The following VPS13D variants were observed in gnomAD, a reference collection of about 807,000 sequenced individuals.
VPS13D encodes the protein vacuolar protein sorting 13 homolog D.
VPS13D carries 187 observed loss-of-function variants against 461.9 expected under a neutral mutation model. The ratio of observed to expected loss-of-function variants is 0.40; its 90% CI spans 0.36 to 0.46. The LOEUF (loss-of-function observed/expected upper bound fraction) is 0.46. Ranked by LOEUF, VPS13D falls within the 20% of genes least tolerant of loss-of-function variation. The pLI is 0.60. For synonymous variants in VPS13D, 1,951 were observed against 1,986.3 expected (o/e 0.98, Z 0.47); for missense variants, 4,711 against 5,364.9 (o/e 0.88, Z 3.81).
chr1:12,493,208 G>C (rs986424917), intron 67 of VPS13D, among the ~76,000 whole-genome samples: 7 of 151,008 alleles, frequency 4.6e-5, no homozygotes, highest in African/African-American at 1.7e-4. Flanking sequence ...AAAAGGACTG[G>C]CCGGGTGCGG....
At chr1:12,317,180 G>C (rs571851499) in intron 30 of VPS13D, among the ~76,000 whole-genome samples, 2 of 152,098 alleles carry the variant, frequency 1.3e-5, no homozygotes, top group African/African-American at 4.8e-5. Context: ...GATCCTAGAC[G>C]TCAAAGAAGG....
intron 21 of VPS13D, among the ~76,000 whole-genome samples, chr1:12,285,340 G>T: frequency 6.6e-6 from 1 of 150,390 alleles, no homozygotes; most frequent in Admixed American, 6.6e-5. Context: ...GCCCAGGCTG[G>T]AGTGCAGTGG....
At chr1:12,353,936 T>C (rs754756872) in intron 46 of VPS13D, 38 bp from the exon 47 acceptor site, 6 of 1,597,664 alleles carry the variant, frequency 3.8e-6, no homozygotes, top group Non-Finnish European at 3.4e-6. Flanking sequence ...AAGTTCTTCA[T>C]TAAGTCTGAT....
intron 6 of VPS13D, among the ~76,000 whole-genome samples, chr1:12,252,783 A>G (rs1436419323): frequency 6.6e-6 from 1 of 151,294 alleles, no homozygotes; most frequent in Non-Finnish European, 1.5e-5. Flanking sequence ...AAAAAAAAAA[A>G]AAAACAAGAG....
At position 12,473,226 on chromosome 1, in the gene VPS13D, G is replaced by A. The variant is rs147813926; in HGVS notation, c.12662+12830G>A. Among the ~76,000 whole-genome samples the A allele has an allele frequency of 1.5e-3, 222 of 152,314 alleles. 1 individual carries two copies. The highest frequency in any genetic ancestry group is 4.9e-3 in the African/African-American group (204 of 41,568). On this transcript the variant is annotated intron_variant, in intron 67 of 69. Transcript: ENST00000620676. The surrounding 1 kb of genome is among the most constrained non-coding windows in gnomAD (Gnocchi z 4.2). ...AGTTTTCTTATCTTGACACTCCAAG[G>A]GCAAGAGGTCTTTCTTCAAAGAGAA...
chr1:12,317,713 C>CT (rs1642927382), intron 30 of VPS13D, among the ~76,000 whole-genome samples: 1 of 151,952 alleles, frequency 6.6e-6, no homozygotes, highest in Non-Finnish European at 1.5e-5. Flanking sequence ...CCACTGCATT[C>CT]CAGTCTGGGC....
chr1:12,381,203 A>G (rs945162912), intron 57 of VPS13D, among the ~76,000 whole-genome samples: 5 of 152,254 alleles, frequency 3.3e-5, no homozygotes, highest in Non-Finnish European at 5.9e-5. Context: ...TGAAGACATT[A>G]AAACATTTTC....
chr1:12,286,633 A>G (rs975007758), intron 21 of VPS13D, among the ~76,000 whole-genome samples: 11 of 152,074 alleles, frequency 7.2e-5, no homozygotes, highest in African/African-American at 2.7e-4. Flanking sequence ...ACCCCATCAG[A>G]TTCAGTTCAG....
intron 66 of VPS13D, among the ~76,000 whole-genome samples, chr1:12,459,881 C>G (rs903126504): frequency 2.0e-5 from 3 of 151,906 alleles, no homozygotes; most frequent in African/African-American, 7.3e-5. Flanking sequence ...CTCTCCTGAT[C>G]GTCCGTAGGC....
At chr1:12,463,021 G>A (rs1170195097) in intron 67 of VPS13D, among the ~76,000 whole-genome samples, 1 of 151,712 alleles carries the variant, frequency 6.6e-6, no homozygotes, top group Non-Finnish European at 1.5e-5. Flanking sequence ...TAGCCTAATT[G>A]AAGTTTAACT....
intron 14 of VPS13D, 58 bp from the exon 15 acceptor site, chr1:12,267,787 T>C: frequency 2.7e-6 from 4 of 1,486,702 alleles, no homozygotes; most frequent in South Asian, 1.1e-5. Flanking sequence ...TGGGTTTGTT[T>C]AGTGAATTGT....
chr1:12,353,447 G>A (rs974902335), intron 46 of VPS13D, among the ~76,000 whole-genome samples: 8 of 150,332 alleles, frequency 5.3e-5, no homozygotes, highest in Non-Finnish European at 8.8e-5. Flanking sequence ...GCTGAAGAAT[G>A]GCATGAACCC....
At chr1:12,499,676 T>C (rs573964334) in intron 68 of VPS13D, 5 of 985,474 alleles carry the variant, frequency 5.1e-6, no homozygotes, top group African/African-American at 1.7e-5. Flanking sequence ...GAAAACCATG[T>C]GTCTCCACCC....
chr1:12,420,150 T>C (rs1387507272), intron 65 of VPS13D, among the ~76,000 whole-genome samples: 1 of 152,218 alleles, frequency 6.6e-6, no homozygotes, highest in African/African-American at 2.4e-5. Flanking sequence ...TGACCACTTC[T>C]TATAGGAAAT....
At chr1:12,366,315 A>G (rs532006637) in intron 52 of VPS13D, among the ~76,000 whole-genome samples, 1 of 152,240 alleles carries the variant, frequency 6.6e-6, no homozygotes, top group African/African-American at 2.4e-5. Flanking sequence ...TTGGATCTGG[A>G]TATAGTGGGT....
In VPS13D at chr1:12,512,024, A is replaced by G. The variant is rs940006536; in HGVS notation, c.*3000A>G. 9 of 152,220 alleles carry G rather than the reference A, an allele frequency of 5.9e-5. No homozygotes were observed. The highest frequency in any genetic ancestry group is 1.2e-4 in the Non-Finnish European group (8 of 68,044). 9.4% of individuals were successfully genotyped at this position (152,220 alleles called of 1,614,324 possible). A position where few individuals can be genotyped will look rare whatever the true frequency, so the allele number is the denominator to read the frequency against. On this transcript the variant is annotated 3_prime_UTR_variant, in exon 70 of 70. Transcript: ENST00000620676. ...GTCATCATTTTTCTTCCTGTGGAAT[A>G]AAATGCCTTGTGGACTTCCCAAACT...
rs1038325044 is a variant in VPS13D, at chr1:12,341,637, C to T, written c.8627-143C>T. The T allele has an allele frequency of 1.8e-5, 12 of 659,882 alleles. No homozygotes were observed. The African/African-American group carries it at 2.0e-4, about 11-fold the overall frequency. 40.9% of individuals were successfully genotyped at this position (659,882 alleles called of 1,614,324 possible). A position where few individuals can be genotyped will look rare whatever the true frequency, so the allele number is the denominator to read the frequency against. ...GCAGCCAGCAAATACGTGGAGCTTC[C>T]ATTTGTCCTGTTCCTTCTTTCTTGC... is the stretch of plus-strand genomic sequence containing the variant. On this transcript the variant is annotated intron_variant, in intron 40 of 69. Coordinates refer to ENST00000620676, the MANE Select transcript of VPS13D (RefSeq NM_015378.4).
At chr1:12,387,183 T>C (rs937701413) in intron 60 of VPS13D, among the ~76,000 whole-genome samples, 5 of 152,134 alleles carry the variant, frequency 3.3e-5, no homozygotes, top group Admixed American at 6.5e-5. Context: ...TTATGAGACG[T>C]TGGGAAGAGT....
chr1:12,384,549 A>G (rs910721021), intron 58 of VPS13D, among the ~76,000 whole-genome samples: 10 of 152,018 alleles, frequency 6.6e-5, no homozygotes, highest in Non-Finnish European at 1.2e-4. Context: ...AGAACAAAGG[A>G]AAAAAAAGAT....
Sources: gnomAD v4.1 joint callset for allele counts (sites outside exome capture counted in the v4.1 genomes callset) on GRCh38, gnomAD v4.1.1 for gene constraint, Gnocchi (gnomAD v3.1) non-coding constraint, MANE v1.5 for transcripts, NCBI Gene and HGNC (gene_info 2026-07-23, HGNC 2026-07-21) for gene names.